Variants in ANKFN1 observed in about 807,000 individuals in gnomAD.
ANKFN1 encodes ankyrin repeat and fibronectin type-III domain-containing protein 1.
In ANKFN1, 74 loss-of-function variants were observed where a neutral mutation model predicts 108.7. That is an observed-to-expected ratio of 0.68 (90% CI 0.56 to 0.83). ANKFN1 has a LOEUF of 0.83. Among genes scored for constraint, ANKFN1 ranks in the 40% least tolerant of loss-of-function variants. The pLI is 0.00. For missense variants in ANKFN1, 1,505 were observed against 1,382.3 expected (o/e 1.09, Z -1.41); for synonymous variants, 547 against 516.2 (o/e 1.06, Z -0.81).
At chr17:56,414,027 G>T (rs2048170380) in intron 8 of ANKFN1, among the ~76,000 whole-genome samples, 1 of 152,188 alleles carries the variant, frequency 6.6e-6, no homozygotes, top group Admixed American at 6.5e-5. Context: ...TTGCATCCCA[G>T]GGATAAAGCC....
intron 1 of ANKFN1, among the ~76,000 whole-genome samples, chr17:56,185,976 G>A (rs1404237699): frequency 6.6e-6 from 1 of 152,130 alleles, no homozygotes; most frequent in African/African-American, 2.4e-5. Context: ...GCAGTTGTTT[G>A]GTCAAAAGAA....
chr17:56,074,453 A>C (rs17759111), intron 4 of ANKFN1, among the ~76,000 whole-genome samples: 3 of 152,114 alleles, frequency 2.0e-5, no homozygotes, highest in Non-Finnish European at 4.4e-5. Flanking sequence ...CCTGGGTTCT[A>C]CTAGGAGCTA....
At chr17:56,211,153 G>T (rs1323501399) in intron 1 of ANKFN1, among the ~76,000 whole-genome samples, 2 of 152,136 alleles carry the variant, frequency 1.3e-5, no homozygotes, top group East Asian at 1.9e-4. Flanking sequence ...TTGATTTTGG[G>T]TTCTTGATTA....
chr17:56,145,475 C>T (rs1908202374), intron 4 of ANKFN1, among the ~76,000 whole-genome samples: 2 of 152,120 alleles, frequency 1.3e-5, no homozygotes, highest in African/African-American at 4.8e-5. Flanking sequence ...GAAAAGCAGG[C>T]ACCTTCTTCA....
At position 56,084,611 on chromosome 17, in the gene ANKFN1, A is replaced by G. The variant is rs140243197; in HGVS notation, c.288+38286A>G. On this transcript the variant is annotated intron_variant, in intron 4 of 12. Transcript: ENST00000635860. ...AGGGCCTGGTCCTTCCTGCGTGTTGACAGTGTATCTTTGAGGAATTTGTAG... is the reference window on the plus strand; with the variant it reads ...AGGGCCTGGTCCTTCCTGCGTGTTGGCAGTGTATCTTTGAGGAATTTGTAG... Among the ~76,000 whole-genome samples the G allele has an allele frequency of 2.0e-5, 3 of 151,380 alleles. No individual in the cohort carries two copies. The East Asian group carries it at 5.8e-4, about 29-fold the overall frequency.
At chr17:56,376,201 T>G (rs2046943874) in intron 8 of ANKFN1, among the ~76,000 whole-genome samples, 1 of 152,168 alleles carries the variant, frequency 6.6e-6, no homozygotes, top group African/African-American at 2.4e-5. Context: ...TCTGGGGAAC[T>G]TCATATGTCT....
intron 3 of ANKFN1, among the ~76,000 whole-genome samples, chr17:56,319,299 A>C (rs1352812340): frequency 6.6e-6 from 1 of 152,220 alleles, no homozygotes; most frequent in Non-Finnish European, 1.5e-5. Context: ...GAAGTCTGAT[A>C]AATGTTCTAT....
At chr17:56,468,951 C>G (rs2050222391) in intron 15 of ANKFN1, among the ~76,000 whole-genome samples, 1 of 152,112 alleles carries the variant, frequency 6.6e-6, no homozygotes, top group African/African-American at 2.4e-5. Context: ...TACAGGGTGA[C>G]TAATACACTA....
chr17:56,299,692 T>TTC (rs148996878), intron 3 of ANKFN1, among the ~76,000 whole-genome samples: 1,552 of 152,278 alleles, frequency 0.01, 8 homozygotes, highest in South Asian at 0.014. Flanking sequence ...ATGGAGATAG[T>TTC]TGTAGCAGAG....
chr17:56,290,933 C>G (rs2044347187), intron 3 of ANKFN1, among the ~76,000 whole-genome samples: 1 of 152,124 alleles, frequency 6.6e-6, no homozygotes, highest in African/African-American at 2.4e-5. Context: ...GCCTCCAAGC[C>G]ATGAGGGACT....
chr17:56,047,605 G>A (rs1904702001), intron 4 of ANKFN1, among the ~76,000 whole-genome samples: 1 of 151,946 alleles, frequency 6.6e-6, no homozygotes, highest in Admixed American at 6.6e-5. Context: ...ACTGGGGAGA[G>A]GAAAGAGCCA....
intron 15 of ANKFN1, among the ~76,000 whole-genome samples, chr17:56,470,066 G>T (rs2050264395): frequency 6.6e-6 from 1 of 152,148 alleles, no homozygotes; most frequent in Admixed American, 6.6e-5. Flanking sequence ...GCATTAGTTT[G>T]CTGAGGATAG....
intron 9 of ANKFN1, among the ~76,000 whole-genome samples, chr17:56,441,794 C>G (rs967713938): frequency 1.3e-5 from 2 of 152,092 alleles, no homozygotes; most frequent in Admixed American, 6.5e-5. Context: ...TACACAATCT[C>G]TATAACTTTG....
chr17:56,467,659 G>A lies in ANKFN1; in HGVS notation c.1773+1088G>A, dbSNP rs532241682. 1.5e-4 allele frequency among the ~76,000 whole-genome samples: 21 copies of A among 143,108 alleles called. 2 individuals are homozygous for A. Among genetic ancestry groups the A allele is most frequent in the African/African-American group, 4.8e-4 (18 of 37,392 alleles). 93.9% of individuals were successfully genotyped at this position (143,108 alleles called of 152,430 possible). A position where few individuals can be genotyped will look rare whatever the true frequency, so the allele number is the denominator to read the frequency against. On this transcript the variant is annotated intron_variant, in intron 15 of 20. Transcript: ENST00000682825. The stretch of plus-strand genomic sequence containing the variant: ...GCTACTGCACTCCAGCCTGGGTGAC[G>A]GAGTGAGAATCCATCTTAAAAAAAA...
At chr17:56,125,519 A>G (rs73325665) in intron 4 of ANKFN1, among the ~76,000 whole-genome samples, 6,268 of 152,294 alleles carry the variant, frequency 0.041, 435 homozygotes, top group African/African-American at 0.14. Context: ...AATTATAATG[A>G]TAACTAAAAG....
intron 8 of ANKFN1, among the ~76,000 whole-genome samples, chr17:56,400,369 C>T (rs2047723095): frequency 1.3e-5 from 2 of 152,006 alleles, no homozygotes; most frequent in Non-Finnish European, 2.9e-5. Flanking sequence ...TGTTTGTTGG[C>T]CATTTGTATA....
At chr17:56,500,746 C>T (rs994106104) in intron 20 of ANKFN1, among the ~76,000 whole-genome samples, 22 of 152,272 alleles carry the variant, frequency 1.4e-4, no homozygotes, top group African/African-American at 5.3e-4. Flanking sequence ...GATCTAAGAA[C>T]ATTGTTCATT....
intron 4 of ANKFN1, among the ~76,000 whole-genome samples, chr17:56,089,409 G>A (rs1413055460): frequency 6.6e-6 from 1 of 151,230 alleles, no homozygotes; most frequent in Admixed American, 6.6e-5. Context: ...TTATTTCTCT[G>A]GAAGAAAGTT....
At chr17:56,326,200 C>T (rs201335218) in intron 3 of ANKFN1, 21 bp from the exon 4 acceptor site, 20 of 1,599,870 alleles carry the variant, frequency 1.3e-5, no homozygotes, top group East Asian at 4.5e-5. Context: ...TGATCCTGTT[C>T]GCATTTTATT....
Sources: allele counts gnomAD v4.1 joint callset (sites outside exome capture counted in the v4.1 genomes callset), GRCh38; gene constraint gnomAD v4.1.1; transcripts MANE v1.5; gene names NCBI Gene and HGNC (gene_info 2026-07-23, HGNC 2026-07-21).